TOX: variants seen among roughly 807,000 people sequenced by gnomAD.
The protein encoded by TOX is thymocyte selection-associated high mobility group box protein TOX.
Under a neutral mutation model 53.7 loss-of-function variants are expected in TOX, and 11 were observed. The ratio of observed to expected loss-of-function variants is 0.20; its 90% CI spans 0.13 to 0.34. The LOEUF (loss-of-function observed/expected upper bound fraction) is 0.34. Ranked by LOEUF, TOX falls within the 10% of genes least tolerant of loss-of-function variation. The probability of loss-of-function intolerance (pLI) is 1.00; values close to 1 mark genes in which losing one functional copy is unlikely to be tolerated. For synonymous variants in TOX, 225 were observed against 245.3 expected (o/e 0.92, Z 0.77); for missense variants, 570 against 664.6 (o/e 0.86, Z 1.56).
At chr8:58,846,318 G>C (rs892728109) in intron 4 of TOX, among the ~76,000 whole-genome samples, 1 of 151,968 alleles carries the variant, frequency 6.6e-6, no homozygotes, top group African/African-American at 2.4e-5. Flanking sequence ...ACTATATAAA[G>C]TGAACAGTTA....
At chr8:58,844,950 A>T (rs1810699610) in intron 4 of TOX, among the ~76,000 whole-genome samples, 1 of 152,138 alleles carries the variant, frequency 6.6e-6, no homozygotes, top group Non-Finnish European at 1.5e-5. Flanking sequence ...GTCATGTCTT[A>T]TTGGTTAATT....
At chr8:58,822,301 CCT>C (rs1322437521) in intron 6 of TOX, among the ~76,000 whole-genome samples, 3 of 152,184 alleles carry the variant, frequency 2.0e-5, no homozygotes, top group Admixed American at 2.0e-4. Flanking sequence ...AATCTTGAAT[CCT>C]CTCTTTTTCT....
chr8:59,099,207 GAA>G (rs1239256871), intron 1 of TOX, among the ~76,000 whole-genome samples: 1 of 152,106 alleles, frequency 6.6e-6, no homozygotes, highest in African/African-American at 2.4e-5. Context: ...TCTTGGGCTG[GAA>G]AAAATCTTAG....
intron 1 of TOX, among the ~76,000 whole-genome samples, chr8:59,020,908 TAG>T (rs1185825308): frequency 6.6e-6 from 1 of 151,978 alleles, no homozygotes; most frequent in Non-Finnish European, 1.5e-5. Context: ...ATTAAAGGAA[TAG>T]AGTTCCAGCC....
At chr8:59,077,125 T>G (rs935671602) in intron 1 of TOX, among the ~76,000 whole-genome samples, 2 of 152,170 alleles carry the variant, frequency 1.3e-5, no homozygotes, top group African/African-American at 4.8e-5. Flanking sequence ...CCACACCCCA[T>G]AAGGCAGCTC....
intron 1 of TOX, among the ~76,000 whole-genome samples, chr8:59,037,738 G>C (rs186972074): frequency 1.6e-4 from 24 of 147,942 alleles, no homozygotes; most frequent in Non-Finnish European, 2.1e-4. Flanking sequence ...GGAGGCGGAG[G>C]TTGCAGTGAG....
chr8:58,961,785 G>A (rs1030639272), intron 1 of TOX, among the ~76,000 whole-genome samples: 1 of 152,112 alleles, frequency 6.6e-6, no homozygotes, highest in African/African-American at 2.4e-5. Context: ...GGGATTGCAG[G>A]CATGAGCCAC....
chr8:59,016,402 T>G (rs1323171183), intron 1 of TOX, among the ~76,000 whole-genome samples: 1 of 152,192 alleles, frequency 6.6e-6, no homozygotes, highest in African/African-American at 2.4e-5. Flanking sequence ...TGTGACTCAT[T>G]AATCTGGGCA....
intron 3 of TOX, among the ~76,000 whole-genome samples, chr8:58,857,554 A>T (rs1396200279): frequency 6.6e-6 from 1 of 152,184 alleles, no homozygotes; most frequent in African/African-American, 2.4e-5. Flanking sequence ...ATGCAAAACA[A>T]AAGTCCCATT....
At chr8:58,926,935 T>C (rs1164943657) in intron 3 of TOX, among the ~76,000 whole-genome samples, 2 of 152,252 alleles carry the variant, frequency 1.3e-5, no homozygotes, top group Non-Finnish European at 2.9e-5. Context: ...GCTAATGTCT[T>C]TAACAAGTGA....
intron 2 of TOX, among the ~76,000 whole-genome samples, chr8:58,939,953 A>G (rs1444499118): frequency 6.6e-6 from 1 of 152,230 alleles, no homozygotes; most frequent in Admixed American, 6.5e-5. Context: ...GGGATGTAAT[A>G]AAAACGAATT....
chr8:58,896,713 A>ATAAAAT (rs56991905), intron 3 of TOX, among the ~76,000 whole-genome samples: 1 of 144,794 alleles, frequency 6.9e-6, no homozygotes, highest in Non-Finnish European at 1.5e-5. Context: ...ATAAAATAAA[A>ATAAAAT]ACAAAAAATC....
At chr8:59,034,758 A>G (rs1004305230) in intron 1 of TOX, among the ~76,000 whole-genome samples, 1 of 152,134 alleles carries the variant, frequency 6.6e-6, no homozygotes, top group African/African-American at 2.4e-5. Context: ...TTAGAGAAAG[A>G]AAAGGCAATA....
In TOX at chr8:58,851,540, C is replaced by G. The variant is rs755673384; in HGVS notation, c.677G>C (p.Gly226Ala). Residue 226 changes from glycine (G) to alanine (A), a missense_variant, in exon 4 of 9, where the codon GGC (glycine) becomes GCC (alanine). Coordinates refer to ENST00000361421, the MANE Select transcript of TOX (RefSeq NM_014729.3). The surrounding 1 kb of genome is among the most constrained non-coding windows in gnomAD (Gnocchi z 4.4). ...SPSSSVHEDEGDDTSKINGGE... is the reference protein window; with the variant it reads ...SPSSSVHEDEADDTSKINGGE... ...TATTCATACCTTAGAGGTATCATCG[C>G]CTTCATCTTCATGCACTGAACTGGA... 1 of 1,612,954 alleles carries G rather than the reference C, an allele frequency of 6.2e-7. No homozygotes were observed. The highest frequency in any genetic ancestry group is 1.7e-5 in the Admixed American group (1 of 59,966).
At chr8:58,954,065 A>G (rs1023190188) in intron 2 of TOX, among the ~76,000 whole-genome samples, 2 of 152,144 alleles carry the variant, frequency 1.3e-5, no homozygotes, top group Non-Finnish European at 2.9e-5. Context: ...GGAGCACACT[A>G]CTGTTTCCAA....
intron 1 of TOX, among the ~76,000 whole-genome samples, chr8:59,052,399 T>C (rs1803807696): frequency 6.6e-6 from 1 of 152,208 alleles, no homozygotes; most frequent in Admixed American, 6.5e-5. Context: ...TCACGTGTCA[T>C]GTGGAAATAA....
chr8:59,063,909 T>C (rs1385398416), intron 1 of TOX, among the ~76,000 whole-genome samples: 1 of 152,020 alleles, frequency 6.6e-6, no homozygotes, highest in Non-Finnish European at 1.5e-5. Flanking sequence ...TGTGTGTGTG[T>C]GTGTTCGTGT....
intron 3 of TOX, among the ~76,000 whole-genome samples, chr8:58,890,651 C>T (rs544881927): frequency 1.3e-4 from 20 of 152,052 alleles, no homozygotes; most frequent in African/African-American, 3.1e-4. Flanking sequence ...TAGGTAGAAG[C>T]GTGGATGCAT....
chr8:58,908,024 A>G lies in TOX; in HGVS notation c.411+31278T>C, dbSNP rs185807179. Among the ~76,000 whole-genome samples, 7 of 152,294 alleles carry G rather than the reference A, an allele frequency of 4.6e-5. No individual in the cohort carries two copies. In the East Asian group the frequency reaches 1.4e-3, roughly 29 times the overall value. On this transcript the variant is annotated intron_variant, in intron 3 of 8. Transcript: ENST00000361421. ...ATGTGCTATAGTGGTTGCTGCACAA[A>G]TCAACCCTTCGCCTTGGTATGAAGC...
Sources: allele counts gnomAD v4.1 joint callset (sites outside exome capture counted in the v4.1 genomes callset), GRCh38; gene constraint gnomAD v4.1.1; non-coding constraint Gnocchi (gnomAD v3.1); transcripts MANE v1.5; gene names NCBI Gene and HGNC (gene_info 2026-07-23, HGNC 2026-07-21).